SEPTIN14: variants seen among roughly 807,000 people sequenced by gnomAD.
SEPTIN14 encodes the protein septin-14.
Under a neutral mutation model 53.6 loss-of-function variants are expected in SEPTIN14, and 40 were observed. That is an observed-to-expected ratio of 0.75 (90% CI 0.58 to 0.97). SEPTIN14 has a LOEUF of 0.97. Ranked by LOEUF, SEPTIN14 falls within the 50% of genes least tolerant of loss-of-function variation. The pLI, the probability that SEPTIN14 is intolerant of heterozygous loss-of-function variation, is 0.00. For synonymous variants in SEPTIN14, 138 were observed against 166.8 expected (o/e 0.83, Z 1.33); for missense variants, 471 against 508.2 (o/e 0.93, Z 0.70).
At chr7:55,849,227 A>C (rs925461385) in intron 2 of SEPTIN14, among the ~76,000 whole-genome samples, 1 of 151,978 alleles carries the variant, frequency 6.6e-6, no homozygotes, top group African/African-American at 2.4e-5. Flanking sequence ...CGGGAGGCTG[A>C]GGCAGGCGAA....
intron 6 of SEPTIN14, among the ~76,000 whole-genome samples, chr7:55,819,481 C>T (rs1264156124): frequency 1.3e-5 from 2 of 151,890 alleles, no homozygotes; most frequent in African/African-American, 4.8e-5. Context: ...CCCAGCTACT[C>T]GGGAGGCTGA....
chr7:55,816,821 C>T (rs10243009), intron 7 of SEPTIN14, among the ~76,000 whole-genome samples: 95,744 of 151,864 alleles, frequency 0.63, 32,533 homozygotes, highest in African/African-American at 0.88. Context: ...AAAAACACAA[C>T]AAGCTGTAAC....
rs1789339671 is a variant in SEPTIN14, at chr7:55,842,954, G to T, written c.546C>A (p.Asn182Lys). 7 of 1,513,528 alleles carry T rather than the reference G, an allele frequency of 4.6e-6. No individual in the cohort carries two copies. The highest frequency in any genetic ancestry group is 5.3e-6 in the Non-Finnish European group (6 of 1,134,588). The allele number at this position is 1,513,528 out of a possible 1,614,324, so 93.8% of individuals were successfully genotyped here. A position where few individuals can be genotyped will look rare whatever the true frequency, so the allele number is the denominator to read the frequency against. ...TTACCAAACATACCTTACTGTCAAG[G>T]TTCTTCATTGTTAATAGATCAAGAG... ...LKSLDLLTMKNLDSKVNIIPL... is the reference protein window; with the variant it reads ...LKSLDLLTMKKLDSKVNIIPL... The change falls in exon 5 of 10, where the codon AAC (asparagine) becomes AAA (lysine). Residue 182 changes from asparagine (N) to lysine (K), a missense_variant. Physicochemically the swap from Asn to Lys is moderately conservative, Grantham distance 94. Coordinates refer to ENST00000388975, the MANE Select transcript of SEPTIN14 (RefSeq NM_207366.3).
At chr7:55,825,090 A>G (rs894098697) in intron 6 of SEPTIN14, among the ~76,000 whole-genome samples, 1 of 152,238 alleles carries the variant, frequency 6.6e-6, no homozygotes, top group Non-Finnish European at 1.5e-5. Flanking sequence ...ACTTGAAAGC[A>G]TCCAAGATGT....
At chr7:55,800,661 G>A (rs1207939480) in intron 9 of SEPTIN14, among the ~76,000 whole-genome samples, 1 of 151,874 alleles carries the variant, frequency 6.6e-6, no homozygotes, top group Non-Finnish European at 1.5e-5. Context: ...GATAGAGAAT[G>A]AAATGATGAT....
At chr7:55,830,364 T>TTTTTG (rs1789087899) in intron 6 of SEPTIN14, among the ~76,000 whole-genome samples, 1 of 132,544 alleles carries the variant, frequency 7.5e-6, no homozygotes, top group Non-Finnish European at 1.6e-5. Context: ...TTTTTTTTTT[T>TTTTTG]GAGACGGAGT....
Position 55,842,332 on chromosome 7 carries a change from A to G in SEPTIN14, c.558+610T>C, listed in dbSNP as rs376368692. 3.9e-5 allele frequency among the ~76,000 whole-genome samples: 6 copies of G among 152,156 alleles called. No homozygotes were observed. The East Asian group carries it at 5.8e-4, about 15-fold the overall frequency. ...ACATCATGAAAGGTTGAGACCAGGA[A>G]CAATGGCTCATGCCTGTAATCCCAA... On this transcript the variant is annotated intron_variant, in intron 5 of 9. Coordinates refer to ENST00000388975, the MANE Select transcript of SEPTIN14 (RefSeq NM_207366.3).
At chr7:55,855,665 C>T (rs1789610636) in intron 2 of SEPTIN14, among the ~76,000 whole-genome samples, 1 of 152,146 alleles carries the variant, frequency 6.6e-6, no homozygotes, top group South Asian at 2.1e-4. Context: ...AAGCAATTCT[C>T]CTGACTCAAC....
chr7:55,823,404 C>T lies in SEPTIN14; in HGVS notation c.721-4181G>A, dbSNP rs116223387. On this transcript the variant is annotated intron_variant, in intron 6 of 9. Coordinates refer to ENST00000388975, the MANE Select transcript of SEPTIN14 (RefSeq NM_207366.3). ...CCCTCTCCACTGAGAGCTGTTCCAT[C>T]ACTCAATAAAATTCTTCTGTCTTCC... 9.6e-3 allele frequency among the ~76,000 whole-genome samples: 1,455 copies of T among 152,270 alleles called. 21 individuals are homozygous for T. Among genetic ancestry groups the T allele is most frequent in the African/African-American group, 0.033 (1,389 of 41,562 alleles).
chr7:55,844,836 G>C, intron 3 of SEPTIN14, 118 bp from the exon 4 acceptor site: 1 of 452,300 alleles, frequency 2.2e-6, no homozygotes, highest in South Asian at 9.1e-5. Flanking sequence ...GAAGTAGAGA[G>C]TAGTATTCTG....
intron 9 of SEPTIN14, among the ~76,000 whole-genome samples, chr7:55,804,505 C>T (rs1297843331): frequency 2.6e-5 from 4 of 152,070 alleles, no homozygotes; most frequent in Admixed American, 6.5e-5. Flanking sequence ...GGGATCCGCC[C>T]GCCTCCATCT....
At chr7:55,850,483 A>G (rs1789499043) in intron 2 of SEPTIN14, among the ~76,000 whole-genome samples, 1 of 152,052 alleles carries the variant, frequency 6.6e-6, no homozygotes, top group Admixed American at 6.6e-5. Flanking sequence ...AAACAAACAA[A>G]CGAACAAAAA....
chr7:55,846,065 GTATATATATA>G (rs56306800), intron 3 of SEPTIN14, among the ~76,000 whole-genome samples: 4,911 of 39,864 alleles, frequency 0.12, 487 homozygotes, highest in Middle Eastern at 0.36. Context: ...AAAAAAAAAA[GTATATATATA>G]TATATATATA....
chr7:55,841,436 T>A (rs1789309106), intron 5 of SEPTIN14, among the ~76,000 whole-genome samples: 1 of 152,168 alleles, frequency 6.6e-6, no homozygotes, highest in African/African-American at 2.4e-5. Flanking sequence ...TTTTTTTATG[T>A]TTAGATACAC....
intron 2 of SEPTIN14, among the ~76,000 whole-genome samples, chr7:55,861,737 C>A (rs1387873188): frequency 1.3e-5 from 2 of 152,106 alleles, no homozygotes; most frequent in African/African-American, 4.8e-5. Flanking sequence ...CTAACAAGGT[C>A]ATCGGACTCA....
rs369496448 is a variant in SEPTIN14, at chr7:55,795,871, C to T, written c.*42G>A. Reference sequence around the variant, plus strand: ...ACAAAGACAATCTCACAGGAAGTTGCGATGTAGAATGATAGGGCTCTCAGA... The same window carrying T: ...ACAAAGACAATCTCACAGGAAGTTGTGATGTAGAATGATAGGGCTCTCAGA... On this transcript the variant is annotated 3_prime_UTR_variant, in exon 10 of 10. Coordinates refer to ENST00000388975, the MANE Select transcript of SEPTIN14 (RefSeq NM_207366.3). 139 of 1,348,974 alleles carry T rather than the reference C, an allele frequency of 1.0e-4. No individual in the cohort carries two copies. Among genetic ancestry groups the T allele is most frequent in the Admixed American group, 7.6e-4 (43 of 56,862 alleles). The allele number at this position is 1,348,974 out of a possible 1,614,324, so 83.6% of individuals were successfully genotyped here. A position where few individuals can be genotyped will look rare whatever the true frequency, so the allele number is the denominator to read the frequency against.
chr7:55,795,904 G>C lies in SEPTIN14; in HGVS notation c.*9C>G, dbSNP rs1183244728. The C allele has an allele frequency of 1.9e-6, 3 of 1,576,326 alleles. No individual in the cohort carries two copies. The highest frequency in any genetic ancestry group is 2.2e-5 in the East Asian group (1 of 44,786). ...AATGATAGGGCTCTCAGAATAGTAA[G>C]AGAAACTATTATTTCTTACGATGTT... On this transcript the variant is annotated 3_prime_UTR_variant, in exon 10 of 10. Coordinates refer to ENST00000388975, the MANE Select transcript of SEPTIN14 (RefSeq NM_207366.3).
intron 8 of SEPTIN14, among the ~76,000 whole-genome samples, chr7:55,805,998 ATTC>A (rs1008003905): frequency 4.0e-4 from 61 of 152,050 alleles, no homozygotes; most frequent in African/African-American, 1.4e-3. Flanking sequence ...CACAAGTCCT[ATTC>A]TTCTTTTTTT....
chr7:55,819,096 C>A, intron 7 of SEPTIN14, 31 bp downstream of exon 7: 2 of 1,230,610 alleles, frequency 1.6e-6, no homozygotes, highest in East Asian at 2.5e-5. Flanking sequence ...TTAACTTAAT[C>A]ATTCCAAAGC....
Sources: allele counts gnomAD v4.1 joint callset (sites outside exome capture counted in the v4.1 genomes callset), GRCh38; gene constraint gnomAD v4.1.1; transcripts MANE v1.5; gene names NCBI Gene and HGNC (gene_info 2026-07-23, HGNC 2026-07-21).